CAMKMT: variants seen among roughly 807,000 people sequenced by gnomAD.
The protein encoded by CAMKMT is CaM KMT.
In CAMKMT, 53 loss-of-function variants were observed where a neutral mutation model predicts 48.0. That is an observed-to-expected ratio of 1.10 (90% CI 0.89 to 1.39). The LOEUF is 1.39. Among genes scored for constraint, CAMKMT ranks in the 40% most tolerant of loss-of-function variants. The pLI is 0.00. For synonymous variants in CAMKMT, 165 were observed against 152.3 expected, an observed-to-expected ratio of 1.08 and a Z score of -0.61; for missense variants, 428 against 402.7, an observed-to-expected ratio of 1.06 and a Z score of -0.54.
intron 3 of CAMKMT, among the ~76,000 whole-genome samples, chr2:44,534,298 G>A (rs570167443): frequency 3.3e-5 from 5 of 152,110 alleles, no homozygotes; most frequent in East Asian, 3.9e-4. Context: ...TCCACTCATC[G>A]TCTAATGCAA....
intron 3 of CAMKMT, among the ~76,000 whole-genome samples, chr2:44,446,234 C>G (rs1666989877): frequency 6.6e-6 from 1 of 151,748 alleles, no homozygotes; most frequent in South Asian, 2.1e-4. Flanking sequence ...AGGTGTGAGC[C>G]ACTGCGCCTG....
chr2:44,502,057 A>G (rs1813433), intron 3 of CAMKMT, among the ~76,000 whole-genome samples: 10,211 of 151,918 alleles, frequency 0.067, 788 homozygotes, highest in East Asian at 0.35. Context: ...TTGTCTCTAC[A>G]AAAAATACAA....
In CAMKMT at chr2:44,666,755, G is replaced by A. The variant is rs568607366; in HGVS notation, c.377-37528G>A. 1.1e-4 allele frequency among the ~76,000 whole-genome samples: 16 copies of A among 152,138 alleles called. No homozygotes were observed. In the South Asian group the frequency reaches 1.2e-3, roughly 12 times the overall value. On this transcript the variant is annotated intron_variant, in intron 3 of 10. Transcript: ENST00000378494. ...CCTCCAAGTAGCTGGGAGTACAGGC[G>A]CGAGCCGCCATGCCCGGCTAATTTT...
intron 3 of CAMKMT, among the ~76,000 whole-genome samples, chr2:44,610,165 T>C (rs981400562): frequency 1.3e-5 from 2 of 152,188 alleles, no homozygotes; most frequent in African/African-American, 2.4e-5. Context: ...TTATTGAGCA[T>C]CTATTTAACT....
intron 3 of CAMKMT, among the ~76,000 whole-genome samples, chr2:44,491,473 A>G (rs896970589): frequency 1.3e-5 from 2 of 152,196 alleles, no homozygotes; most frequent in South Asian, 4.1e-4. Flanking sequence ...CTTCCAGGAT[A>G]TTTAAAAACT....
chr2:44,619,013 C>A (rs958755548), intron 3 of CAMKMT, among the ~76,000 whole-genome samples: 1 of 152,112 alleles, frequency 6.6e-6, no homozygotes, highest in Non-Finnish European at 1.5e-5. Context: ...AGGAAGGGCA[C>A]TATTGTTTTT....
chr2:44,524,813 C>G (rs143414294), intron 3 of CAMKMT, among the ~76,000 whole-genome samples: 1 of 152,260 alleles, frequency 6.6e-6, no homozygotes, highest in Non-Finnish European at 1.5e-5. Flanking sequence ...GGCCTTGGCA[C>G]AGTACTTGGA....
chr2:44,730,308 G>C (rs1346672699), intron 7 of CAMKMT, among the ~76,000 whole-genome samples: 1 of 152,154 alleles, frequency 6.6e-6, no homozygotes, highest in African/African-American at 2.4e-5. Context: ...ACCTTCTTCA[G>C]GATACCTTCC....
intron 3 of CAMKMT, among the ~76,000 whole-genome samples, chr2:44,535,001 A>G (rs945009259): frequency 1.3e-5 from 2 of 151,840 alleles, no homozygotes; most frequent in Non-Finnish European, 2.9e-5. Flanking sequence ...TGCTATAACC[A>G]AAGGGGAGAG....
intron 3 of CAMKMT, among the ~76,000 whole-genome samples, chr2:44,544,934 A>G: frequency 6.6e-6 from 1 of 152,230 alleles, no homozygotes; most frequent in East Asian, 1.9e-4. Flanking sequence ...TATTATAAAT[A>G]ATTTTTTAAA....
chr2:44,513,062 G>T (rs1233346820), intron 3 of CAMKMT, among the ~76,000 whole-genome samples: 1 of 152,142 alleles, frequency 6.6e-6, no homozygotes, highest in East Asian at 1.9e-4. Context: ...AAAACATTCT[G>T]ATGAGTGCTT....
intron 3 of CAMKMT, among the ~76,000 whole-genome samples, chr2:44,479,831 G>C (rs1668875299): frequency 6.6e-6 from 1 of 152,086 alleles, no homozygotes; most frequent in African/African-American, 2.4e-5. Context: ...TTTTGTATTT[G>C]AAAGTGTGTC....
At chr2:44,617,045 A>C (rs1671931623) in intron 3 of CAMKMT, among the ~76,000 whole-genome samples, 1 of 152,222 alleles carries the variant, frequency 6.6e-6, no homozygotes, top group South Asian at 2.1e-4. Flanking sequence ...GTCCTACGTG[A>C]TAGTGCCGTG....
At chr2:44,652,635 A>G (rs12618355) in intron 3 of CAMKMT, among the ~76,000 whole-genome samples, 86,566 of 152,048 alleles carry the variant, frequency 0.57, 25,346 homozygotes, top group Middle Eastern at 0.66. Flanking sequence ...AAGCGCATGC[A>G]CACACGTGCG....
At chr2:44,684,339 C>G (rs1676210634) in intron 3 of CAMKMT, among the ~76,000 whole-genome samples, 1 of 152,128 alleles carries the variant, frequency 6.6e-6, no homozygotes, top group Non-Finnish European at 1.5e-5. Flanking sequence ...TTTTTCCTAA[C>G]AGAAGGATAA....
At chr2:44,458,511 G>A (rs563348041) in intron 3 of CAMKMT, among the ~76,000 whole-genome samples, 11 of 152,230 alleles carry the variant, frequency 7.2e-5, no homozygotes, top group African/African-American at 1.9e-4. Flanking sequence ...TTCTTTATTC[G>A]CCATTCTGCC....
At chr2:44,667,482 G>A (rs750063586) in intron 3 of CAMKMT, among the ~76,000 whole-genome samples, 4 of 152,124 alleles carry the variant, frequency 2.6e-5, no homozygotes, top group Non-Finnish European at 5.9e-5. Flanking sequence ...GCTATTATCC[G>A]CTAATGTTTA....
chr2:44,697,913 T>C (rs1677043242), intron 3 of CAMKMT, among the ~76,000 whole-genome samples: 1 of 151,974 alleles, frequency 6.6e-6, no homozygotes. Flanking sequence ...GCTAAAAGAG[T>C]TGAAAGTAAT....
At chr2:44,444,383 A>G (rs1666856492) in intron 3 of CAMKMT, among the ~76,000 whole-genome samples, 2 of 152,206 alleles carry the variant, frequency 1.3e-5, no homozygotes. Context: ...TATCATTCCC[A>G]GATGTGTCAC....
Sources: gnomAD v4.1 joint callset for allele counts (sites outside exome capture counted in the v4.1 genomes callset) on GRCh38, gnomAD v4.1.1 for gene constraint, MANE v1.5 for transcripts, NCBI Gene and HGNC (gene_info 2026-07-23, HGNC 2026-07-21) for gene names.